TBC1D5: variants seen among roughly 807,000 people sequenced by gnomAD.
TBC1D5 encodes TBC1 domain family, member 5.
Under a neutral mutation model 100.3 loss-of-function variants are expected in TBC1D5, and 75 were observed. The ratio of observed to expected loss-of-function variants is 0.75; its 90% CI spans 0.62 to 0.91. TBC1D5 has a LOEUF of 0.91. TBC1D5 is among the 40% of genes least tolerant of loss of function. The probability of loss-of-function intolerance (pLI) is 0.00; values close to 1 mark genes in which losing one functional copy is unlikely to be tolerated. For missense variants in TBC1D5, 910 were observed against 942.4 expected, an observed-to-expected ratio of 0.97 and a Z score of 0.45; for synonymous variants, 323 against 325.6, an observed-to-expected ratio of 0.99 and a Z score of 0.09.
intron 1 of TBC1D5, chr3:17,665,140 G>A (rs1280341046): frequency 6.6e-6 from 1 of 150,442 alleles, no homozygotes. Context: ...CTTTCTAGCT[G>A]TCAAGGTGCA....
chr3:17,688,899 T>A (rs2070704173), intron 1 of TBC1D5, among the ~76,000 whole-genome samples: 1 of 152,234 alleles, frequency 6.6e-6, no homozygotes, highest in Admixed American at 6.5e-5. Context: ...AATGAACACA[T>A]CTAACATAAA....
At chr3:17,284,297 T>C (rs941240474) in intron 15 of TBC1D5, among the ~76,000 whole-genome samples, 1 of 152,120 alleles carries the variant, frequency 6.6e-6, no homozygotes, top group African/African-American at 2.4e-5. Context: ...TTTGTATTTT[T>C]AATAGAGATG....
intron 3 of TBC1D5, among the ~76,000 whole-genome samples, chr3:17,508,066 G>T (rs2095862368): frequency 6.7e-6 from 1 of 149,606 alleles, no homozygotes; most frequent in Non-Finnish European, 1.5e-5. Flanking sequence ...AAAAAAAAGA[G>T]GATGAATCAA....
intron 13 of TBC1D5, among the ~76,000 whole-genome samples, chr3:17,361,291 C>T (rs1251590451): frequency 1.3e-5 from 2 of 151,724 alleles, no homozygotes; most frequent in Admixed American, 1.3e-4. Flanking sequence ...ATTATTAATC[C>T]CACATGTCTG....
At chr3:17,322,052 C>T (rs1417500315) in intron 13 of TBC1D5, among the ~76,000 whole-genome samples, 1 of 152,152 alleles carries the variant, frequency 6.6e-6, no homozygotes, top group African/African-American at 2.4e-5. Flanking sequence ...TTATATTTCT[C>T]ATAGCTGTTA....
intron 13 of TBC1D5, among the ~76,000 whole-genome samples, chr3:17,354,480 A>C (rs140058242): frequency 6.6e-6 from 1 of 152,246 alleles, no homozygotes; most frequent in Non-Finnish European, 1.5e-5. Flanking sequence ...TAAAGATGTC[A>C]GCTATTGAGT....
intron 13 of TBC1D5, 115 bp from the exon 14 acceptor site, chr3:17,308,249 T>A: frequency 1.0e-6 from 1 of 970,570 alleles, no homozygotes; most frequent in Non-Finnish European, 1.4e-6. Context: ...AAATATTATA[T>A]ATCAAAAATA....
At chr3:17,556,116 G>A (rs916530728) in intron 2 of TBC1D5, among the ~76,000 whole-genome samples, 5 of 152,022 alleles carry the variant, frequency 3.3e-5, no homozygotes, top group African/African-American at 9.7e-5. Flanking sequence ...CCAGGTTTAA[G>A]TGACTCTCCT....
intron 19 of TBC1D5, among the ~76,000 whole-genome samples, chr3:17,175,262 A>G (rs554501463): frequency 6.6e-6 from 1 of 152,302 alleles, no homozygotes; most frequent in South Asian, 2.1e-4. Flanking sequence ...ATCTAAGGGT[A>G]AGACTAGGCA....
intron 15 of TBC1D5, among the ~76,000 whole-genome samples, chr3:17,274,266 A>G (rs2084572): frequency 0.4 from 61,108 of 152,068 alleles, 12,968 homozygotes; most frequent in Middle Eastern, 0.5. Flanking sequence ...TCAGAGGTCA[A>G]TTCCTTTTGA....
exon 22 of TBC1D5, chr3:17,159,957 A>T (rs1206141420): frequency 6.6e-6 from 1 of 152,216 alleles, no homozygotes; most frequent in Non-Finnish European, 1.5e-5. Context: ...AGGGATTCTG[A>T]CTTTGGGTGG....
chr3:17,430,800 C>A (rs937192021), intron 3 of TBC1D5, among the ~76,000 whole-genome samples: 1 of 151,784 alleles, frequency 6.6e-6, no homozygotes, highest in Non-Finnish European at 1.5e-5. Context: ...GAAAGGTTTA[C>A]AAAAGAACAG....
chr3:17,199,229 G>C (rs2071133217), intron 18 of TBC1D5, among the ~76,000 whole-genome samples: 1 of 152,128 alleles, frequency 6.6e-6, no homozygotes, highest in African/African-American at 2.4e-5. Context: ...CATAACAGAG[G>C]ACTGAGGATG....
intron 1 of TBC1D5, among the ~76,000 whole-genome samples, chr3:17,644,913 A>C (rs2064874399): frequency 6.6e-6 from 1 of 152,000 alleles, no homozygotes; most frequent in Admixed American, 6.6e-5. Context: ...TTTTGGGTGA[A>C]AATTTTAATT....
At chr3:17,696,238 T>C (rs1490768651) in intron 1 of TBC1D5, among the ~76,000 whole-genome samples, 1 of 150,874 alleles carries the variant, frequency 6.6e-6, no homozygotes, top group African/African-American at 2.4e-5. Flanking sequence ...AGGCAAGAAA[T>C]AACTAAGATC....
chr3:17,163,854 A>AATAG (rs1242893140), intron 21 of TBC1D5, among the ~76,000 whole-genome samples: 2 of 152,324 alleles, frequency 1.3e-5, no homozygotes, highest in Admixed American at 6.5e-5. Context: ...TTTAATTTTA[A>AATAG]ATAGATAGAT....
chr3:17,615,757 T>A (rs968627070), intron 2 of TBC1D5, among the ~76,000 whole-genome samples: 1 of 152,334 alleles, frequency 6.6e-6, no homozygotes, highest in Admixed American at 6.5e-5. Context: ...TTTGACTGCA[T>A]CTATTTGATT....
At chr3:17,429,203 T>G (rs1270135404) in intron 3 of TBC1D5, among the ~76,000 whole-genome samples, 1 of 151,914 alleles carries the variant, frequency 6.6e-6, no homozygotes, top group Non-Finnish European at 1.5e-5. Flanking sequence ...TAAAATCACA[T>G]TTAGAACAAA....
At chr3:17,268,809 G>A (rs557471118) in intron 15 of TBC1D5, among the ~76,000 whole-genome samples, 9 of 152,118 alleles carry the variant, frequency 5.9e-5, no homozygotes, top group Admixed American at 1.3e-4. Context: ...GAGACCATTC[G>A]GGGGCTTGAT....
Sources: gnomAD v4.1 joint callset for allele counts (sites outside exome capture counted in the v4.1 genomes callset) on GRCh38, gnomAD v4.1.1 for gene constraint, MANE v1.5 for transcripts, NCBI Gene and HGNC (gene_info 2026-07-23, HGNC 2026-07-21) for gene names.